The following ZFX variants were observed in gnomAD, a reference collection of about 807,000 sequenced individuals.
ZFX encodes the protein zinc finger X-chromosomal protein.
For synonymous variants in ZFX, 196 were observed against 226.8 expected (o/e 0.86, Z 1.22); for missense variants, 362 against 628.3 (o/e 0.58, Z 4.53).
At position 24,208,386 on chromosome X, in the gene ZFX, G is replaced by T; in HGVS notation, c.1093+16G>T. The T allele has an allele frequency of 8.3e-7, 1 of 1,202,896 alleles. No individual in the cohort carries two copies. The highest frequency in any genetic ancestry group is 3.0e-5 in the East Asian group (1 of 33,724). On this transcript the variant is annotated intron_variant, in intron 8 of 9. Transcript: ENST00000304543. Reference sequence around the variant, plus strand: ...GCAGCTTATGGTAAGTTGCCCAGCAGCTCTTAGCATTGAAGAAGTTGGTTC... The same window carrying T: ...GCAGCTTATGGTAAGTTGCCCAGCATCTCTTAGCATTGAAGAAGTTGGTTC...
At chrX:24,173,323 T>C (rs1264903680) in intron 4 of ZFX, among the ~76,000 whole-genome samples, 1 of 110,667 alleles carries the variant, frequency 9.0e-6, no homozygotes, top group African/African-American at 3.3e-5. Context: ...GTGGATCCTG[T>C]CATTTCTCTA....
intron 5 of ZFX, among the ~76,000 whole-genome samples, chrX:24,202,757 C>T (rs891163580): frequency 1.8e-5 from 2 of 112,201 alleles, no homozygotes; most frequent in East Asian, 2.8e-4. Context: ...GTGTGTCAGC[C>T]TTCCAATTTC....
intron 5 of ZFX, among the ~76,000 whole-genome samples, chrX:24,180,421 G>C (rs1313998245): frequency 9.6e-6 from 1 of 104,472 alleles, no homozygotes; most frequent in Admixed American, 1.1e-4. Context: ...TTGCTCTGTC[G>C]TCCAGGCTGG....
chrX:24,150,995 G>A (rs1033196352), intron 1 of ZFX, among the ~76,000 whole-genome samples: 8 of 111,927 alleles, frequency 7.1e-5, no homozygotes, highest in Admixed American at 2.8e-4. Flanking sequence ...GAGGAATAAG[G>A]GCAGACTTTT....
intron 5 of ZFX, among the ~76,000 whole-genome samples, chrX:24,196,516 A>T (rs1046561568): frequency 8.9e-6 from 1 of 112,727 alleles, no homozygotes; most frequent in African/African-American, 3.2e-5. Context: ...CAGCATAACC[A>T]TTGATCACTT....
intron 4 of ZFX, among the ~76,000 whole-genome samples, chrX:24,178,747 T>C (rs1400528007): frequency 1.8e-5 from 2 of 111,176 alleles, no homozygotes; most frequent in Admixed American, 9.6e-5. Context: ...GCCCGGCTAA[T>C]TTTTGTGTTT....
intron 3 of ZFX, among the ~76,000 whole-genome samples, chrX:24,155,742 T>G (rs1490832381): frequency 1.8e-5 from 2 of 112,601 alleles, no homozygotes. Flanking sequence ...CCTTGCTATT[T>G]TCATTTTGCA....
At chrX:24,154,044 C>T (rs762985224) in intron 3 of ZFX, among the ~76,000 whole-genome samples, 1 of 111,409 alleles carries the variant, frequency 9.0e-6, no homozygotes, top group South Asian at 3.7e-4. Flanking sequence ...TTTTTCCAGA[C>T]AACATTTTAT....
chrX:24,172,982 C>A, intron 4 of ZFX, 182 bp downstream of exon 4: 1 of 357,107 alleles, frequency 2.8e-6, no homozygotes, highest in Non-Finnish European at 4.7e-6. Flanking sequence ...CCCTCACAAC[C>A]AACTCTCATA....
chrX:24,163,629 C>T lies in ZFX; in HGVS notation c.-28-9086C>T, dbSNP rs192700588. The stretch of plus-strand genomic sequence containing the variant: ...CTGACCTCAGGTGATCCACCCACCT[C>T]AGCCTTCCAAAGTGCTGGGATTACA... On this transcript the variant is annotated intron_variant, in intron 3 of 9. Transcript: ENST00000304543. 4.4e-3 allele frequency among the ~76,000 whole-genome samples: 465 copies of T among 106,503 alleles called. 3 individuals are homozygous for T. Among genetic ancestry groups the T allele is most frequent in the African/African-American group, 0.015 (439 of 29,262 alleles). 92.5% of individuals were successfully genotyped at this position (106,503 alleles called of 115,157 possible).
At position 24,211,077 on chromosome X, in the gene ZFX, C is replaced by T. The variant is rs372943857; in HGVS notation, c.2119C>T (p.Arg707Cys). 8.3e-7 allele frequency: 1 copy of T among 1,210,502 alleles called. No individual in the cohort carries two copies. Among genetic ancestry groups the T allele is most frequent in the African/African-American group, 1.7e-5 (1 of 57,291 alleles). Residue 707 changes from arginine (R) to cysteine (C), a missense_variant, in exon 10 of 10, where the codon CGC becomes TGC. Coordinates refer to ENST00000304543, the MANE Select transcript of ZFX (RefSeq NM_003410.4). The part of the protein sequence containing the change: ...FKIADPFVLS[R>C]HILSVHTKDL... The stretch of plus-strand genomic sequence containing the variant: ...GATTGCAGATCCATTTGTTCTAAGT[C>T]GCCATATTCTCTCAGTTCACACAAA...
chrX:24,214,406 T>C lies in ZFX; in HGVS notation c.*3030T>C, dbSNP rs954134236. ...TAAAAATCAGAATATTTTCCTGTTA[T>C]TGAATGTTTAGTCTATTTGATACCA... On this transcript the variant is annotated 3_prime_UTR_variant, in exon 10 of 10. Coordinates refer to ENST00000304543, the MANE Select transcript of ZFX (RefSeq NM_003410.4). 2.7e-5 allele frequency: 3 copies of C among 112,735 alleles called. No individual in the cohort carries two copies. The highest frequency in any genetic ancestry group is 3.6e-4 in the South Asian group (1 of 2,750). 9.3% of individuals were successfully genotyped at this position (112,735 alleles called of 1,213,427 possible). A position where few individuals can be genotyped will look rare whatever the true frequency, so the allele number is the denominator to read the frequency against.
At chrX:24,200,248 T>C (rs1937204239) in intron 5 of ZFX, among the ~76,000 whole-genome samples, 1 of 110,621 alleles carries the variant, frequency 9.0e-6, no homozygotes, top group South Asian at 3.8e-4. Flanking sequence ...GAGATGAGAA[T>C]AGGGAAAAGA....
intron 3 of ZFX, among the ~76,000 whole-genome samples, chrX:24,159,811 C>A (rs897667562): frequency 7.2e-5 from 8 of 111,588 alleles, no homozygotes; most frequent in African/African-American, 2.6e-4. Context: ...AAGTAAGAAC[C>A]CATCTGTGAG....
intron 5 of ZFX, among the ~76,000 whole-genome samples, chrX:24,182,729 A>G (rs780504159): frequency 1.8e-5 from 2 of 111,394 alleles, no homozygotes; most frequent in Non-Finnish European, 3.8e-5. Flanking sequence ...GGTTGCCTGG[A>G]TGGCGAAAGT....
At chrX:24,173,647 G>T (rs1472624756) in intron 4 of ZFX, 1 of 976,009 alleles carries the variant, frequency 1.0e-6, no homozygotes, top group East Asian at 3.3e-5. Flanking sequence ...GCACAGTGGC[G>T]CCATCTGGGT....
intron 3 of ZFX, among the ~76,000 whole-genome samples, chrX:24,169,880 C>T (rs1414516548): frequency 9.0e-6 from 1 of 110,680 alleles, no homozygotes; most frequent in African/African-American, 3.3e-5. Context: ...GGGTGAGCAG[C>T]CAGCAGTTAA....
intron 5 of ZFX, among the ~76,000 whole-genome samples, chrX:24,187,003 C>T (rs1936171596): frequency 8.9e-6 from 1 of 111,987 alleles, no homozygotes; most frequent in Non-Finnish European, 1.9e-5. Context: ...TAAATTTCTT[C>T]CCTACCAGTA....
chrX:24,156,658 G>T (rs1323017712), intron 3 of ZFX, among the ~76,000 whole-genome samples: 1 of 55,099 alleles, frequency 1.8e-5, no homozygotes, highest in Non-Finnish European at 2.9e-5. Context: ...TTTAATAATA[G>T]CCTTTTTTTT....
Sources: gnomAD v4.1 joint callset for allele counts (sites outside exome capture counted in the v4.1 genomes callset) on GRCh38, gnomAD v4.1.1 for gene constraint, MANE v1.5 for transcripts, NCBI Gene and HGNC (gene_info 2026-07-23, HGNC 2026-07-21) for gene names.